UBE2L3: variants seen among roughly 807,000 people sequenced by gnomAD.
UBE2L3 encodes ubiquitin conjugating enzyme E2 L3, also known as ubiquitin-conjugating enzyme E2 L3.
UBE2L3 carries 1 observed loss-of-function variant against 17.8 expected under a neutral mutation model. The observed-to-expected ratio is 0.06, with a 90% confidence interval of 0.02 to 0.27. The LOEUF (loss-of-function observed/expected upper bound fraction) is 0.27, where lower values mean the gene tolerates loss of function less well. Ranked by LOEUF, UBE2L3 falls within the 10% of genes least tolerant of loss-of-function variation. The pLI is 1.00. For synonymous variants in UBE2L3, 44 were observed against 68.5 expected (o/e 0.64, Z 1.76); for missense variants, 40 against 192.6 (o/e 0.21, Z 4.69).
chr22:21,568,021 C>T, intron 1 of UBE2L3: 1 of 1,313,944 alleles, frequency 7.6e-7, no homozygotes, highest in Non-Finnish European at 9.7e-7. Flanking sequence ...GTTCACGCCA[C>T]TCTCCGCCCG....
chr22:21,561,581 C>CA (rs147700046), intron 1 of UBE2L3, among the ~76,000 whole-genome samples: 137 of 151,102 alleles, frequency 9.1e-4, no homozygotes, highest in African/African-American at 2.0e-3. Context: ...GACCCTATCT[C>CA]AAAAAAAAAA....
intron 2 of UBE2L3, among the ~76,000 whole-genome samples, chr22:21,604,066 G>A (rs560954410): frequency 7.8e-4 from 119 of 152,124 alleles, no homozygotes; most frequent in African/African-American, 2.7e-3. Flanking sequence ...TTTTGAACTA[G>A]TTTAGAGTGT....
chr22:21,578,052 C>T (rs1051090077), intron 1 of UBE2L3, among the ~76,000 whole-genome samples: 1 of 152,076 alleles, frequency 6.6e-6, no homozygotes, highest in Non-Finnish European at 1.5e-5. Context: ...CACACCAGCA[C>T]GCCTCTCATT....
chr22:21,567,983 C>T (rs1210769978), intron 1 of UBE2L3: 3 of 1,366,720 alleles, frequency 2.2e-6, no homozygotes, highest in African/African-American at 3.1e-5. Flanking sequence ...CTGGGAGCCG[C>T]TGTCGGCCCC....
At chr22:21,580,915 G>A (rs186151635) in intron 1 of UBE2L3, among the ~76,000 whole-genome samples, 76 of 151,882 alleles carry the variant, frequency 5.0e-4, no homozygotes, top group South Asian at 2.1e-4. Flanking sequence ...GTCTTGCTCC[G>A]TTGCCCAGGC....
At chr22:21,618,437 G>A (rs1303459357) in intron 3 of UBE2L3, among the ~76,000 whole-genome samples, 5 of 151,718 alleles carry the variant, frequency 3.3e-5, no homozygotes, top group African/African-American at 9.7e-5. Context: ...ATGGTGGCAG[G>A]TGCCTGTAAT....
chr22:21,567,538 A>G, upstream of UBE2L3: 1 of 1,120,414 alleles, frequency 8.9e-7, no homozygotes, highest in Non-Finnish European at 1.2e-6. Flanking sequence ...ATCTGATTGG[A>G]CGATCCGTAA....
At chr22:21,563,388 GA>G (rs1357418210), upstream of UBE2L3, among the ~76,000 whole-genome samples, 95 of 139,564 alleles carry the variant, frequency 6.8e-4, 1 homozygote, top group Admixed American at 2.0e-3. Context: ...CATCTCTACT[GA>G]AAATACCAAA....
chr22:21,596,012 C>T (rs537587660), intron 2 of UBE2L3, among the ~76,000 whole-genome samples: 5 of 150,756 alleles, frequency 3.3e-5, no homozygotes, highest in East Asian at 2.0e-4. Context: ...ACTACAGGTG[C>T]GCACCACCAC....
chr22:21,604,481 C>T (rs1470200433), intron 2 of UBE2L3, among the ~76,000 whole-genome samples: 1 of 152,082 alleles, frequency 6.6e-6, no homozygotes, highest in South Asian at 2.1e-4. Context: ...CCTGGGCAAG[C>T]GTGAGACTCT....
chr22:21,563,333 C>T (rs1347636568), upstream of UBE2L3, among the ~76,000 whole-genome samples: 47 of 149,436 alleles, frequency 3.1e-4, no homozygotes, highest in African/African-American at 1.0e-3. Flanking sequence ...GGGCAGATCA[C>T]GAGCTCAGGA....
intron 3 of UBE2L3, among the ~76,000 whole-genome samples, chr22:21,618,171 A>T (rs1445922605): frequency 6.6e-6 from 1 of 151,640 alleles, no homozygotes; most frequent in Non-Finnish European, 1.5e-5. Flanking sequence ...ACAGAGTGAG[A>T]CGCCATCTCA....
At chr22:21,562,987 T>C (rs1257337002), upstream of UBE2L3, among the ~76,000 whole-genome samples, 3 of 150,268 alleles carry the variant, frequency 2.0e-5, no homozygotes, top group South Asian at 2.2e-4. Context: ...CTCACGCCTG[T>C]AATCCCAGCA....
At chr22:21,589,080 C>T (rs1928110619) in intron 1 of UBE2L3, among the ~76,000 whole-genome samples, 1 of 152,106 alleles carries the variant, frequency 6.6e-6, no homozygotes, top group African/African-American at 2.4e-5. Flanking sequence ...AGGTGTGAAC[C>T]ACTGCGCCTG....
intron 2 of UBE2L3, among the ~76,000 whole-genome samples, chr22:21,601,885 T>C (rs1928878977): frequency 6.8e-6 from 1 of 146,868 alleles, no homozygotes; most frequent in Non-Finnish European, 1.5e-5. Flanking sequence ...GGCAGGAGAA[T>C]GGCGTGAACC....
Position 21,589,177 on chromosome 22 carries a change from GCT to G in UBE2L3, c.28-3681_28-3680del, listed in dbSNP as rs1309991319. Among the ~76,000 whole-genome samples, 5 of 131,038 alleles carry G rather than the reference GCT, an allele frequency of 3.8e-5. No individual in the cohort carries two copies. The East Asian group carries it at 1.2e-3, about 30-fold the overall frequency. The allele number at this position is 131,038 out of a possible 152,430, so 86.0% of individuals were successfully genotyped here. ...TTTTTTTTTTTTGAGACGGAGTCTC[GCT>G]CTGTCACCCAGGCTGGAGTGCAGTG... On this transcript the variant is annotated intron_variant, in intron 1 of 3. Transcript: ENST00000342192.
upstream of UBE2L3, chr22:21,567,593 G>C: frequency 6.8e-7 from 1 of 1,466,074 alleles, no homozygotes; most frequent in East Asian, 2.5e-5. Flanking sequence ...TCCTCCACGC[G>C]CCCCCCAGCA....
intron 2 of UBE2L3, among the ~76,000 whole-genome samples, chr22:21,596,632 G>A (rs758912720): frequency 7.2e-5 from 11 of 152,008 alleles, no homozygotes; most frequent in Non-Finnish European, 1.5e-4. Context: ...TCCATCTCCC[G>A]GGTTCAAGCA....
intron 1 of UBE2L3, among the ~76,000 whole-genome samples, chr22:21,585,453 G>A (rs772492313): frequency 9.9e-5 from 15 of 152,104 alleles, no homozygotes; most frequent in Non-Finnish European, 1.9e-4. Flanking sequence ...CCTGATATGT[G>A]GTACCTAACT....
Sources: gnomAD v4.1 joint callset for allele counts (sites outside exome capture counted in the v4.1 genomes callset) on GRCh38, gnomAD v4.1.1 for gene constraint, MANE v1.5 for transcripts, NCBI Gene and HGNC (gene_info 2026-07-23, HGNC 2026-07-21) for gene names.